Variants in PVR observed in about 807,000 individuals in gnomAD.
The protein encoded by PVR is PVR cell adhesion molecule, also known as poliovirus receptor.
PVR carries 39 observed loss-of-function variants against 43.3 expected under a neutral mutation model. That is an observed-to-expected ratio of 0.90 (90% CI 0.70 to 1.18). The LOEUF (loss-of-function observed/expected upper bound fraction) is 1.18. Among genes scored for constraint, PVR ranks in the 50% most tolerant of loss-of-function variants. PVR has a pLI of 0.00. For missense variants in PVR, 480 were observed against 549.7 expected (o/e 0.87, Z 1.27); for synonymous variants, 224 against 233.2 (o/e 0.96, Z 0.36).
intron 2 of PVR, among the ~76,000 whole-genome samples, chr19:44,648,941 A>G (rs1036976333): frequency 1.3e-5 from 2 of 152,216 alleles, no homozygotes; most frequent in African/African-American, 4.8e-5. Flanking sequence ...AATCACCAGG[A>G]TGATGATTAA....
At chr19:44,655,863 C>CTTTT (rs11349440) in intron 4 of PVR, among the ~76,000 whole-genome samples, 367 of 81,938 alleles carry the variant, frequency 4.5e-3, no homozygotes, top group East Asian at 8.2e-3. Context: ...AGCTCTCCTG[C>CTTTT]TTTTTTTTTT....
rs370113583 is a variant in PVR, at chr19:44,664,771, A to C, written c.*2960A>C. 6.6e-6 allele frequency: 1 copy of C among 151,220 alleles called. No individual in the cohort carries two copies. The highest frequency in any genetic ancestry group is 1.5e-5 in the Non-Finnish European group (1 of 67,842). 9.4% of individuals were successfully genotyped at this position (151,220 alleles called of 1,614,324 possible). A position where few individuals can be genotyped will look rare whatever the true frequency, so the allele number is the denominator to read the frequency against. On this transcript the variant is annotated 3_prime_UTR_variant, in exon 8 of 8. Coordinates refer to ENST00000425690, the MANE Select transcript of PVR (RefSeq NM_006505.5). ...GCCATCTTGCCCAGGCTGGTCTCAA[A>C]TTCCTGGGCCCAAACAATCCTCCCG...
At chr19:44,660,404 T>C (rs754340) in intron 6 of PVR, among the ~76,000 whole-genome samples, 25,564 of 152,216 alleles carry the variant, frequency 0.17, 3,649 homozygotes, top group African/African-American at 0.39. Context: ...CTTAACACAG[T>C]AGGTGGCACA....
chr19:44,653,834 A>C (rs1326846455), intron 3 of PVR, 66 bp from the exon 4 acceptor site: 5 of 1,111,710 alleles, frequency 4.5e-6, no homozygotes, highest in Non-Finnish European at 6.9e-6. Context: ...AGTGTCGTGA[A>C]TCCCGCGTAG....
rs1414992625 is a variant in PVR, at chr19:44,647,371, C to T, written c.228C>T (p.Ala76=). 19 of 1,613,792 alleles carry T rather than the reference C, an allele frequency of 1.2e-5. No homozygotes were observed. Among genetic ancestry groups the T allele is most frequent in the Admixed American group, 1.7e-5 (1 of 59,994 alleles). Residue 76 remains alanine, a synonymous_variant, in exon 2 of 8, where the codon GCC becomes GCT. Coordinates refer to ENST00000425690, the MANE Select transcript of PVR (RefSeq NM_006505.5). ...GGCATGGTGAATCTGGCAGCATGGC[C>T]GTCTTCCACCAAACGCAGGGCCCCA... is the stretch of plus-strand genomic sequence containing the variant. The part of the protein sequence containing the change: ...WARHGESGSM[A]VFHQTQGPSY...
chr19:44,647,667 AG>A, intron 2 of PVR, 97 bp downstream of exon 2: 3 of 754,216 alleles, frequency 4.0e-6, no homozygotes, highest in Non-Finnish European at 5.7e-6. Flanking sequence ...GGAGGGAGGG[AG>A]ATTCCCTCCA....
Position 44,661,192 on chromosome 19 carries a change from C to T in PVR, c.1151-100C>T, listed in dbSNP as rs1468860097. The T allele has an allele frequency of 2.1e-5, 24 of 1,126,524 alleles. No individual in the cohort carries two copies. The East Asian group carries it at 5.4e-4, about 25-fold the overall frequency. 69.8% of individuals were successfully genotyped at this position (1,126,524 alleles called of 1,614,324 possible). ...TGGCACCCCCATGTAATAGCAGAGG[C>T]AGAACTTGACATTTTCAGGGCCCTG... On this transcript the variant is annotated intron_variant, in intron 6 of 7. Transcript: ENST00000425690.
In PVR at chr19:44,647,309, A is replaced by T; in HGVS notation, c.166A>T (p.Met56Leu). The T allele has an allele frequency of 6.2e-7, 1 of 1,606,046 alleles. No individual in the cohort carries two copies. The highest frequency in any genetic ancestry group is 1.3e-5 in the African/African-American group (1 of 74,868). ...TLPCYLQVPN[M>L]EVTHVSQLTW... is the part of the protein sequence containing the mutation. ...GCCCTGCTACCTACAGGTGCCCAAC[A>T]TGGAGGTGACGCATGTGTCACAGCT... is the stretch of plus-strand genomic sequence containing the variant. The change falls in exon 2 of 8, where the codon ATG becomes TTG. Residue 56 changes from methionine (M) to leucine (L), a missense_variant. Physicochemically the swap from Met to Leu is conservative, Grantham distance 15 (BLOSUM62 2). Coordinates refer to ENST00000425690, the MANE Select transcript of PVR (RefSeq NM_006505.5).
At position 44,662,791 on chromosome 19, in the gene PVR, T is replaced by C. The variant is rs990309730; in HGVS notation, c.*980T>C. 1 of 152,204 alleles carries C rather than the reference T, an allele frequency of 6.6e-6. No homozygotes were observed. Among genetic ancestry groups the C allele is most frequent in the Admixed American group, 6.5e-5 (1 of 15,274 alleles). 9.4% of individuals were successfully genotyped at this position (152,204 alleles called of 1,614,324 possible). ...AAGGGTGTGGGCCACCAGAGAATTTTGGTAAAAATTTGGCCTCTGGCCTTG... is the reference window on the plus strand; with the variant it reads ...AAGGGTGTGGGCCACCAGAGAATTTCGGTAAAAATTTGGCCTCTGGCCTTG... On this transcript the variant is annotated 3_prime_UTR_variant, in exon 8 of 8. Transcript: ENST00000425690.
At chr19:44,652,596 C>T (rs1313041302) in intron 3 of PVR, among the ~76,000 whole-genome samples, 1 of 152,068 alleles carries the variant, frequency 6.6e-6, no homozygotes, top group African/African-American at 2.4e-5. Flanking sequence ...GTTGGCCAGG[C>T]TGGTCTCAAA....
intron 1 of PVR, among the ~76,000 whole-genome samples, chr19:44,645,415 G>GTGTGTATATA: frequency 1.2e-5 from 1 of 83,820 alleles, no homozygotes; most frequent in South Asian, 3.7e-4. Flanking sequence ...TATGTTTTGT[G>GTGTGTATATA]TATATATATA....
chr19:44,660,673 C>T (rs553446409), intron 6 of PVR, among the ~76,000 whole-genome samples: 3 of 152,204 alleles, frequency 2.0e-5, no homozygotes, highest in East Asian at 3.9e-4. Flanking sequence ...TAGGCGTGCA[C>T]TCCCACGCCT....
rs1650570280 is a variant in PVR, at chr19:44,644,037, A to T, written c.-60A>T. 1 of 1,409,940 alleles carries T rather than the reference A, an allele frequency of 7.1e-7. No homozygotes were observed. Among genetic ancestry groups the T allele is most frequent in the Admixed American group, 2.3e-5 (1 of 44,232 alleles). The allele number at this position is 1,409,940 out of a possible 1,614,324, so 87.3% of individuals were successfully genotyped here. A position where few individuals can be genotyped will look rare whatever the true frequency, so the allele number is the denominator to read the frequency against. On this transcript the variant is annotated 5_prime_UTR_variant, in exon 1 of 8. Transcript: ENST00000425690. Reference sequence around the variant, plus strand: ...GACTCGCAGCGACCGCGGCAGAGCGAGCGGGCGCCGGGAAGCGAGGAGACG... The same window carrying T: ...GACTCGCAGCGACCGCGGCAGAGCGTGCGGGCGCCGGGAAGCGAGGAGACG...
intron 6 of PVR, 39 bp downstream of exon 6, chr19:44,658,939 A>G (rs775388369): frequency 2.5e-6 from 4 of 1,597,130 alleles, no homozygotes; most frequent in Non-Finnish European, 3.4e-6. Flanking sequence ...AGCACCTACT[A>G]CGGGCTCTGT....
At chr19:44,655,812 T>A (rs1171586063) in intron 4 of PVR, among the ~76,000 whole-genome samples, 4 of 151,696 alleles carry the variant, frequency 2.6e-5, no homozygotes, top group Admixed American at 2.6e-4. Flanking sequence ...TCAGTCCCTC[T>A]ATTCATCCAT....
chr19:44,645,123 ATTATAATATATTATATATAT>A (rs1263881650), intron 1 of PVR, among the ~76,000 whole-genome samples: 1 of 61,628 alleles, frequency 1.6e-5, no homozygotes, highest in African/African-American at 1.0e-4. Context: ...TATATAATAT[ATTATAATATATTATATATAT>A]TATTATAATA....
In PVR at chr19:44,653,660, C is replaced by G. The variant is rs375107909; in HGVS notation, c.725-240C>G. ...CAAGACATGCCTGGTCCAGGCTACC[C>G]AGGAAAGCTAGTGGAGAAAAGCAGC... On this transcript the variant is annotated intron_variant, in intron 3 of 7. Transcript: ENST00000425690. 1.5e-4 allele frequency: 70 copies of G among 459,102 alleles called. No homozygotes were observed. The South Asian group carries it at 2.3e-3, about 15-fold the overall frequency. The allele number at this position is 459,102 out of a possible 1,614,324, so 28.4% of individuals were successfully genotyped here. A position where few individuals can be genotyped will look rare whatever the true frequency, so the allele number is the denominator to read the frequency against.
intron 1 of PVR, among the ~76,000 whole-genome samples, chr19:44,645,622 ATTT>A (rs1484903117): frequency 6.7e-6 from 1 of 149,552 alleles, no homozygotes; most frequent in African/African-American, 2.5e-5. Context: ...CACCTGGCTA[ATTT>A]TTTTTGTATT....
At position 44,653,981 on chromosome 19, in the gene PVR, G is replaced by A. The variant is rs148412277; in HGVS notation, c.806G>A (p.Arg269His). The change falls in exon 4 of 8, where the codon CGC (arginine) becomes CAC (histidine). Residue 269 changes from arginine (R) to histidine (H), a missense_variant. By Grantham distance (29) the Arg-to-His change is conservative (BLOSUM62 0). Transcript: ENST00000425690. Reference sequence around the variant, plus strand: ...GAGGCCACCCTGACCTGCGATGCTCGCAGCAACCCAGAGCCCACAGGCTAT... The same window carrying A: ...GAGGCCACCCTGACCTGCGATGCTCACAGCAACCCAGAGCCCACAGGCTAT... ...QNEATLTCDA[R>H]SNPEPTGYNW... The A allele has an allele frequency of 1.1e-4, 172 of 1,613,998 alleles. No homozygotes were observed. The highest frequency in any genetic ancestry group is 1.3e-4 in the Non-Finnish European group (159 of 1,179,956).
Sources: allele counts gnomAD v4.1 joint callset (sites outside exome capture counted in the v4.1 genomes callset), GRCh38; gene constraint gnomAD v4.1.1; transcripts MANE v1.5; gene names NCBI Gene and HGNC (gene_info 2026-07-23, HGNC 2026-07-21).